RNF24: variants seen among roughly 807,000 people sequenced by gnomAD.
RNF24 encodes ring finger protein 24.
RNF24 carries 14 observed loss-of-function variants against 20.0 expected under a neutral mutation model. The observed-to-expected ratio is 0.70, with a 90% confidence interval of 0.46 to 1.10. RNF24 has a LOEUF of 1.10. Ranked by LOEUF, RNF24 falls within the 50% of genes least tolerant of loss-of-function variation. The pLI, the probability that RNF24 is intolerant of heterozygous loss-of-function variation, is 0.00. For synonymous variants in RNF24, 45 were observed against 61.1 expected (o/e 0.74, Z 1.23); for missense variants, 124 against 177.6 (o/e 0.70, Z 1.71).
intron 3 of RNF24, among the ~76,000 whole-genome samples, chr20:3,947,794 C>G (rs1029987094): frequency 1.3e-5 from 2 of 152,178 alleles, no homozygotes; most frequent in Non-Finnish European, 2.9e-5. Context: ...CGCCTGTAAT[C>G]CCAGCACTTT....
At chr20:3,951,057 A>G (rs1280658414) in intron 2 of RNF24, among the ~76,000 whole-genome samples, 53 of 152,164 alleles carry the variant, frequency 3.5e-4, no homozygotes, top group African/African-American at 1.3e-3. Flanking sequence ...CTGGGTTCAC[A>G]CCATTCTCCT....
At chr20:3,941,290 C>T (rs1475340209) in intron 4 of RNF24, among the ~76,000 whole-genome samples, 1 of 152,124 alleles carries the variant, frequency 6.6e-6, no homozygotes, top group Non-Finnish European at 1.5e-5. Context: ...TTTTTAAAAA[C>T]ATGTCTGATG....
intron 2 of RNF24, among the ~76,000 whole-genome samples, chr20:3,955,407 A>C (rs1482822980): frequency 6.6e-6 from 1 of 152,130 alleles, no homozygotes; most frequent in East Asian, 1.9e-4. Flanking sequence ...CCATTGAATG[A>C]TCTTGGCACC....
At chr20:3,973,820 A>G (rs1359471244) in intron 1 of RNF24, among the ~76,000 whole-genome samples, 2 of 152,192 alleles carry the variant, frequency 1.3e-5, no homozygotes, top group East Asian at 1.9e-4. Context: ...AAAAGTTTAA[A>G]TAAGAATGAG....
intron 1 of RNF24, among the ~76,000 whole-genome samples, chr20:3,993,660 C>A (rs1043589375): frequency 2.0e-5 from 3 of 152,176 alleles, no homozygotes; most frequent in African/African-American, 7.2e-5. Context: ...TAAGCCTGGA[C>A]TGCACTGGTA....
rs58565737 is a variant in RNF24 at position 3,940,185 on chromosome 20, T to C, written c.228+4992A>G. Among the ~76,000 whole-genome samples the C allele has an allele frequency of 3.6e-3, 546 of 152,284 alleles. 2 individuals carry two copies. Among genetic ancestry groups the C allele is most frequent in the African/African-American group, 0.013 (523 of 41,562 alleles). ...GTTGCCCAGGCTGGTCTTGAACTCC[T>C]GGGCTCACGCAATCCTTCCACCTTG... On this transcript the variant is annotated intron_variant, in intron 4 of 5. Coordinates refer to ENST00000358395, the MANE Select transcript of RNF24 (RefSeq NM_001134337.3).
chr20:3,972,350 C>T (rs904181279), intron 1 of RNF24, among the ~76,000 whole-genome samples: 2 of 152,030 alleles, frequency 1.3e-5, no homozygotes, highest in Non-Finnish European at 2.9e-5. Context: ...AATATACATT[C>T]TTTTCAAATA....
chr20:3,937,962 G>A (rs1194494227), intron 4 of RNF24, among the ~76,000 whole-genome samples: 1 of 152,098 alleles, frequency 6.6e-6, no homozygotes, highest in East Asian at 1.9e-4. Context: ...ACGTTCTTTT[G>A]GGTATGTATC....
At chr20:3,991,476 T>C (rs898455382) in intron 1 of RNF24, among the ~76,000 whole-genome samples, 2 of 152,072 alleles carry the variant, frequency 1.3e-5, no homozygotes, top group South Asian at 2.1e-4. Context: ...ATGGTCTCGA[T>C]CTCCTAACCT....
chr20:3,971,330 G>A (rs1231830381), intron 1 of RNF24, among the ~76,000 whole-genome samples: 2 of 152,134 alleles, frequency 1.3e-5, no homozygotes, highest in Non-Finnish European at 2.9e-5. Flanking sequence ...GGAAAACAAC[G>A]GGAATTTATT....
Position 3,933,214 on chromosome 20 carries a change from T to C in RNF24, c.*849A>G. ...GGCCATTCTCAAAAAGCCACTGCTC[T>C]TTGGAGCCACTCGAGAGGTTCACAG... On this transcript the variant is annotated 3_prime_UTR_variant, in exon 6 of 6. Coordinates refer to ENST00000358395, the MANE Select transcript of RNF24 (RefSeq NM_001134337.3). 2.5e-6 allele frequency: 1 copy of C among 398,530 alleles called. No homozygotes were observed. The highest frequency in any genetic ancestry group is 4.4e-6 in the Non-Finnish European group (1 of 226,058). The allele number at this position is 398,530 out of a possible 1,614,324, so 24.7% of individuals were successfully genotyped here. A position where few individuals can be genotyped will look rare whatever the true frequency, so the allele number is the denominator to read the frequency against.
At chr20:3,994,083 A>G (rs902415318) in intron 1 of RNF24, among the ~76,000 whole-genome samples, 8 of 152,358 alleles carry the variant, frequency 5.3e-5, no homozygotes, top group African/African-American at 1.7e-4. Context: ...CCAATCTGTG[A>G]CAAAGAACTG....
chr20:4,014,451 G>C (rs1005185437), intron 1 of RNF24, among the ~76,000 whole-genome samples: 1 of 152,178 alleles, frequency 6.6e-6, no homozygotes, highest in Non-Finnish European at 1.5e-5. Context: ...CCAGAAAGCA[G>C]TGTCCTGTAC....
intron 1 of RNF24, among the ~76,000 whole-genome samples, chr20:3,976,954 G>A (rs1292433929): frequency 2.0e-5 from 3 of 152,056 alleles, no homozygotes; most frequent in Non-Finnish European, 4.4e-5. Context: ...GGATCTTTCT[G>A]TACTGTTTAT....
At chr20:4,012,178 T>A (rs182871057) in intron 1 of RNF24, among the ~76,000 whole-genome samples, 1 of 152,232 alleles carries the variant, frequency 6.6e-6, no homozygotes, top group African/African-American at 2.4e-5. Context: ...TTTGGGAGGC[T>A]AAGGCAGGCA....
chr20:3,971,104 T>C (rs1978332165), intron 1 of RNF24, among the ~76,000 whole-genome samples: 1 of 151,740 alleles, frequency 6.6e-6, no homozygotes, highest in Admixed American at 6.6e-5. Context: ...GGTAATTGAG[T>C]TAAAACAACA....
intron 1 of RNF24, among the ~76,000 whole-genome samples, chr20:4,013,729 C>T (rs1431909553): frequency 2.0e-5 from 3 of 152,140 alleles, no homozygotes; most frequent in African/African-American, 7.2e-5. Context: ...TGGTGATCCA[C>T]CCACCTCGGC....
intron 1 of RNF24, among the ~76,000 whole-genome samples, chr20:3,974,879 A>AT (rs375224964): frequency 1.3e-4 from 20 of 150,008 alleles, no homozygotes; most frequent in African/African-American, 2.7e-4. Context: ...ATCCCAGCAA[A>AT]TTTTTTTTTT....
intron 1 of RNF24, among the ~76,000 whole-genome samples, chr20:3,975,682 T>G (rs1978807625): frequency 1.3e-5 from 2 of 152,260 alleles, no homozygotes; most frequent in South Asian, 4.1e-4. Flanking sequence ...AATTAAGAAG[T>G]TAAAGTTATA....
Sources: allele counts gnomAD v4.1 joint callset (sites outside exome capture counted in the v4.1 genomes callset), GRCh38; gene constraint gnomAD v4.1.1; transcripts MANE v1.5; gene names NCBI Gene and HGNC (gene_info 2026-07-23, HGNC 2026-07-21).